The following CMYA5 variants were observed in gnomAD, a reference collection of about 807,000 sequenced individuals.
CMYA5 encodes the protein cardiomyopathy-associated protein 5.
A neutral mutation model predicts 318.9 loss-of-function variants in CMYA5; 246 were observed. The observed-to-expected ratio is 0.77, with a 90% CI of 0.70 to 0.86. The LOEUF (loss-of-function observed/expected upper bound fraction) is 0.86, where lower values mean the gene tolerates loss of function less well. CMYA5 is among the 40% of genes least tolerant of loss of function. CMYA5 has a pLI of 0.00. For missense variants in CMYA5, 4,589 were observed against 4,678.2 expected (o/e 0.98, Z 0.56); for synonymous variants, 1,641 against 1,729.5 (o/e 0.95, Z 1.27).
chr5:79,714,045 G>C (rs1385319237), intron 1 of CMYA5, among the ~76,000 whole-genome samples: 1 of 152,208 alleles, frequency 6.6e-6, no homozygotes, highest in East Asian at 1.9e-4. Flanking sequence ...CAGAATGATG[G>C]TGGTTTTCCA....
At chr5:79,698,985 C>T (rs1827124755) in intron 1 of CMYA5, among the ~76,000 whole-genome samples, 1 of 152,040 alleles carries the variant, frequency 6.6e-6, no homozygotes, top group Non-Finnish European at 1.5e-5. Context: ...CGGTGAAACC[C>T]CATGTCTACT....
Position 79,737,625 on chromosome 5 carries a change from T to C in CMYA5, c.8860T>C (p.Leu2954=). 1 of 1,613,660 alleles carries C rather than the reference T, an allele frequency of 6.2e-7. No homozygotes were observed. The highest frequency in any genetic ancestry group is 8.5e-7 in the Non-Finnish European group (1 of 1,179,790). Residue 2954 remains leucine, a synonymous_variant, in exon 2 of 13, where the codon TTG becomes CTG. Transcript: ENST00000446378. ...TATCATTTCTGAAGGCTGTGAGATA[T>C]TGAATATTCATGCTCCGGCCTTTAT... ...FSIISEGCEI[L]NIHAPAFISS...
chr5:79,789,640 G>A (rs533242950), intron 10 of CMYA5, among the ~76,000 whole-genome samples: 32 of 152,220 alleles, frequency 2.1e-4, no homozygotes, highest in African/African-American at 7.2e-4. Context: ...GGCCAGGCTG[G>A]TCTCAAAGTC....
chr5:79,733,750 C>G lies in CMYA5; in HGVS notation c.4985C>G (p.Thr1662Ser). 1.9e-6 allele frequency: 3 copies of G among 1,613,614 alleles called. No individual in the cohort carries two copies. Among genetic ancestry groups the G allele is most frequent in the Non-Finnish European group, 2.5e-6 (3 of 1,179,792 alleles). The change falls in exon 2 of 13, where the codon ACT (threonine) becomes AGT (serine). Residue 1662 changes from threonine to serine, a missense_variant. Physicochemically the swap from Thr to Ser is moderately conservative, Grantham distance 58 (BLOSUM62 1). Transcript: ENST00000446378. The stretch of plus-strand genomic sequence containing the variant: ...ACAAAACAAGCAAAGTCTCCCATAA[C>G]TGAAACAGAGGATTCTGTTTTAGAA... Reference protein sequence around the residue: ...IGTKQAKSPITETEDSVLEKG... With the variant: ...IGTKQAKSPISETEDSVLEKG...
At chr5:79,723,255 A>G (rs914874458) in intron 1 of CMYA5, among the ~76,000 whole-genome samples, 10 of 152,056 alleles carry the variant, frequency 6.6e-5, no homozygotes, top group African/African-American at 2.4e-4. Context: ...CCTGGCCAAC[A>G]TGGTGAAACC....
In CMYA5 at chr5:79,759,321, T is replaced by A. The variant is rs998581084; in HGVS notation, c.11260+419T>A. 1.3e-5 allele frequency among the ~76,000 whole-genome samples: 2 copies of A among 152,326 alleles called. 1 individual carries two copies. On this transcript the variant is annotated intron_variant, in intron 7 of 12. Transcript: ENST00000446378. ...AGGGAAGAAGCCATAGAGAGGACAG[T>A]GTGCTCCACAATGACCTGAATGCAA... is the stretch of plus-strand genomic sequence containing the variant.
At chr5:79,786,435 G>A (rs259093) in intron 9 of CMYA5, among the ~76,000 whole-genome samples, 141,873 of 152,284 alleles carry the variant, frequency 0.93, 66,212 homozygotes, top group East Asian at 1. Flanking sequence ...CACATCAGTC[G>A]TGTTATTTAC....
intron 1 of CMYA5, among the ~76,000 whole-genome samples, chr5:79,707,485 A>C (rs545354494): frequency 1.3e-5 from 2 of 152,334 alleles, no homozygotes; most frequent in African/African-American, 4.8e-5. Flanking sequence ...GCTTAGTTAC[A>C]CTTTCCAGAG....
intron 11 of CMYA5, 38 bp from the exon 12 acceptor site, chr5:79,793,399 T>G: frequency 6.3e-7 from 1 of 1,580,982 alleles, no homozygotes; most frequent in African/African-American, 1.3e-5. Flanking sequence ...GGCCGGCGAT[T>G]CCTGCACTGA....
Position 79,734,147 on chromosome 5 carries a change from A to G in CMYA5, c.5382A>G (p.Thr1794=), listed in dbSNP as rs745599956. The change falls in exon 2 of 13, where the codon ACA becomes ACG. Residue 1794 remains threonine, a synonymous_variant. Coordinates refer to ENST00000446378, the MANE Select transcript of CMYA5 (RefSeq NM_153610.5). ...GDILDKLSEE[T]GHPNSSQVLQ... is the part of the protein sequence containing the mutation. ...TTTTAGATAAGCTAAGTGAAGAAAC[A>G]GGCCACCCAAATTCATCCCAGGTAC... is the stretch of plus-strand genomic sequence containing the variant. 5 of 1,613,724 alleles carry G rather than the reference A, an allele frequency of 3.1e-6. No individual in the cohort carries two copies.
chr5:79,796,457 T>C (rs991480054), intron 12 of CMYA5, among the ~76,000 whole-genome samples: 2 of 152,110 alleles, frequency 1.3e-5, no homozygotes, highest in African/African-American at 2.4e-5. Context: ...GTATATACAG[T>C]GGTGCAAACA....
chr5:79,723,341 A>C (rs1827679804), intron 1 of CMYA5, among the ~76,000 whole-genome samples: 1 of 151,006 alleles, frequency 6.6e-6, no homozygotes, highest in Non-Finnish European at 1.5e-5. Context: ...CGGGAGGCTG[A>C]GGCAGGAGAA....
chr5:79,755,431 C>T (rs1238841849), intron 6 of CMYA5, among the ~76,000 whole-genome samples: 1 of 152,066 alleles, frequency 6.6e-6, no homozygotes, highest in African/African-American at 2.4e-5. Flanking sequence ...GGATTACAGG[C>T]GTGCATCACC....
Position 79,739,065 on chromosome 5 carries a change from C to T in CMYA5, c.10300C>T (p.Gln3434Ter). 2 of 1,613,816 alleles carry T rather than the reference C, an allele frequency of 1.2e-6. No individual in the cohort carries two copies. Among genetic ancestry groups the T allele is most frequent in the South Asian group, 2.2e-5 (2 of 91,078 alleles). Residue 3434 changes from glutamine to a stop codon, truncating the protein, a stop_gained, in exon 2 of 13, where the codon CAA (glutamine) becomes TAA (stop). Coordinates refer to ENST00000446378, the MANE Select transcript of CMYA5 (RefSeq NM_153610.5). LOFTEE classifies it high-confidence loss of function. ...ATCCCTGCATAATGAAGTGGTTCCT[C>T]AAGACATATTATCAGAAGAACTGTC... is the stretch of plus-strand genomic sequence containing the variant. Reference protein sequence around the residue: ...TESLHNEVVPQDILSEELSSE... With the variant: ...TESLHNEVVP
In CMYA5 at chr5:79,691,745, A is replaced by C. The variant is rs578035702; in HGVS notation, c.149+1689A>C. 9.8e-5 allele frequency among the ~76,000 whole-genome samples: 15 copies of C among 152,384 alleles called. No individual in the cohort carries two copies. In the South Asian group the frequency reaches 3.1e-3, roughly 32 times the overall value. ...ATCTGAAGAGATTGGTTCTGAGCCA[A>C]ATATGAGTGACCAATGGCCTGTGAC... On this transcript the variant is annotated intron_variant, in intron 1 of 12. Coordinates refer to ENST00000446378, the MANE Select transcript of CMYA5 (RefSeq NM_153610.5).
At chr5:79,700,964 G>T (rs1319033308) in intron 1 of CMYA5, among the ~76,000 whole-genome samples, 1 of 151,944 alleles carries the variant, frequency 6.6e-6, no homozygotes. Context: ...TACACTTAGG[G>T]CTGGGCGCAG....
intron 1 of CMYA5, among the ~76,000 whole-genome samples, chr5:79,702,533 A>G (rs80038813): frequency 0.021 from 3,231 of 152,330 alleles, 117 homozygotes; most frequent in African/African-American, 0.072. Flanking sequence ...TCATTTATAT[A>G]AAATGCCCAG....
In CMYA5 at chr5:79,729,434, A is replaced by G. The variant is rs766257842; in HGVS notation, c.669A>G (p.Gly223=). Residue 223 remains glycine, a synonymous_variant, in exon 2 of 13, where the codon GGA becomes GGG. Coordinates refer to ENST00000446378, the MANE Select transcript of CMYA5 (RefSeq NM_153610.5). The stretch of plus-strand genomic sequence containing the variant: ...TAGTGTTAAGACCAGTCTACATAGG[A>G]ACAGTACAATATAAAATTAAGATGT... ...KPLVLRPVYI[G]TVQYKIKMFN... The G allele has an allele frequency of 6.2e-7, 1 of 1,613,600 alleles. No individual in the cohort carries two copies. The highest frequency in any genetic ancestry group is 2.2e-5 in the East Asian group (1 of 44,872).
intron 9 of CMYA5, among the ~76,000 whole-genome samples, chr5:79,768,817 T>G (rs1828802862): frequency 6.6e-6 from 1 of 152,188 alleles, no homozygotes; most frequent in Non-Finnish European, 1.5e-5. Flanking sequence ...GGTCTCTGTG[T>G]TTCCTGAATT....
Sources: gnomAD v4.1 joint callset for allele counts (sites outside exome capture counted in the v4.1 genomes callset) on GRCh38, gnomAD v4.1.1 for gene constraint, MANE v1.5 for transcripts, NCBI Gene and HGNC (gene_info 2026-07-23, HGNC 2026-07-21) for gene names.